Variants in FAM184A observed in about 807,000 individuals in gnomAD.
FAM184A encodes protein FAM184A.
Under a neutral mutation model 143.8 loss-of-function variants are expected in FAM184A, and 99 were observed. The observed-to-expected ratio is 0.69, with a 90% CI of 0.58 to 0.81. The LOEUF is 0.81. Ranked by LOEUF, FAM184A falls within the 40% of genes least tolerant of loss-of-function variation. The pLI is 0.00. For missense variants in FAM184A, 1,217 were observed against 1,310.5 expected (o/e 0.93, Z 1.10); for synonymous variants, 427 against 446.4 (o/e 0.96, Z 0.55).
intron 1 of FAM184A, among the ~76,000 whole-genome samples, chr6:119,112,471 C>T (rs1343909254): frequency 6.6e-6 from 1 of 152,138 alleles, no homozygotes; most frequent in Non-Finnish European, 1.5e-5. Context: ...GACTTCCATC[C>T]GGGTTAGGTT....
chr6:118,997,412 G>A (rs1784605143), intron 9 of FAM184A, among the ~76,000 whole-genome samples: 1 of 151,866 alleles, frequency 6.6e-6, no homozygotes, highest in Non-Finnish European at 1.5e-5. Context: ...AATAGCAGCC[G>A]GGCGCAGTGG....
chr6:119,112,661 C>T (rs1211761926), intron 1 of FAM184A, among the ~76,000 whole-genome samples: 1 of 152,154 alleles, frequency 6.6e-6, no homozygotes, highest in Non-Finnish European at 1.5e-5. Context: ...TGAAGAGTGG[C>T]CACAGGACAG....
At chr6:119,148,581 A>G (rs959380038) in intron 1 of FAM184A, among the ~76,000 whole-genome samples, 1 of 152,082 alleles carries the variant, frequency 6.6e-6, no homozygotes, top group Non-Finnish European at 1.5e-5. Context: ...CTTCCCCAGC[A>G]CACTATTGCT....
Position 118,980,201 on chromosome 6 carries a change from T to C in FAM184A, c.2238A>G (p.Ser746=), listed in dbSNP as rs1462717826. 1 of 1,614,198 alleles carries C rather than the reference T, an allele frequency of 6.2e-7. No homozygotes were observed. Among genetic ancestry groups the C allele is most frequent in the Admixed American group, 1.7e-5 (1 of 60,028 alleles). ...ATGCAAGGACATGTGCTTCTTTTAA[T>C]GATTTGTGTCTTTGCTGATGTTGCT... ...LEEQHQQRHK[S]LKEAHVLAFQ... Residue 746 remains serine (S), a synonymous_variant, in exon 10 of 18, where the codon TCA becomes TCG. Coordinates refer to ENST00000338891, the MANE Select transcript of FAM184A (RefSeq NM_024581.6).
intron 1 of FAM184A, among the ~76,000 whole-genome samples, chr6:119,116,997 C>T (rs1789078299): frequency 6.6e-6 from 1 of 152,156 alleles, no homozygotes; most frequent in African/African-American, 2.4e-5. Context: ...GGAAAGCCTC[C>T]CAGACAGGAT....
At chr6:118,975,833 T>C in intron 12 of FAM184A, 84 bp downstream of exon 12, 2 of 1,311,190 alleles carry the variant, frequency 1.5e-6, no homozygotes, top group Non-Finnish European at 1.1e-6. Context: ...AAATAAGTTA[T>C]TACAAAATAA....
chr6:118,970,172 T>C (rs1783653575), intron 14 of FAM184A, among the ~76,000 whole-genome samples: 1 of 149,262 alleles, frequency 6.7e-6, no homozygotes, highest in African/African-American at 2.5e-5. Context: ...CTCGGCTAAT[T>C]TTTGTATTTT....
chr6:119,144,980 T>C (rs1190954225), intron 1 of FAM184A, among the ~76,000 whole-genome samples: 2 of 152,218 alleles, frequency 1.3e-5, no homozygotes, highest in Non-Finnish European at 2.9e-5. Flanking sequence ...TCGCGTTATG[T>C]GATAAATGTA....
intron 1 of FAM184A, among the ~76,000 whole-genome samples, chr6:119,087,689 G>A (rs913465426): frequency 6.6e-6 from 1 of 152,236 alleles, no homozygotes; most frequent in African/African-American, 2.4e-5. Flanking sequence ...AAAACAGTAT[G>A]CTGGTTCCTC....
At chr6:119,066,611 A>G (rs1463536837) in intron 1 of FAM184A, among the ~76,000 whole-genome samples, 1 of 152,202 alleles carries the variant, frequency 6.6e-6, no homozygotes, top group African/African-American at 2.4e-5. Context: ...CTCAGGATTG[A>G]AGGTTAAAGA....
chr6:119,033,089 A>G (rs1393727117), intron 1 of FAM184A, among the ~76,000 whole-genome samples: 1 of 152,188 alleles, frequency 6.6e-6, no homozygotes, highest in Non-Finnish European at 1.5e-5. Flanking sequence ...ATTTATTAAA[A>G]AAATTATTAA....
intron 1 of FAM184A, among the ~76,000 whole-genome samples, chr6:119,146,034 G>A (rs572228644): frequency 4.6e-5 from 7 of 152,268 alleles, no homozygotes; most frequent in South Asian, 2.1e-4. Flanking sequence ...TACCACTAGC[G>A]GCATAGGAGA....
At position 119,002,880 on chromosome 6, in the gene FAM184A, T is replaced by C. The variant is rs1283726339; in HGVS notation, c.2088+19A>G. 1 of 1,595,532 alleles carries C rather than the reference T, an allele frequency of 6.3e-7. No individual in the cohort carries two copies. Among genetic ancestry groups the C allele is most frequent in the Non-Finnish European group, 8.5e-7 (1 of 1,172,924 alleles). ...TGTCAAGGGAGATGAAACTTCATCA[T>C]GTACACATTATTAATTACCTGGTTT... On this transcript the variant is annotated intron_variant, in intron 9 of 17. Transcript: ENST00000338891.
intron 9 of FAM184A, among the ~76,000 whole-genome samples, chr6:118,984,173 A>ATT: frequency 7.1e-6 from 1 of 141,248 alleles, no homozygotes; most frequent in African/African-American, 2.7e-5. Context: ...ATATATATAT[A>ATT]TATATTTATA....
chr6:119,068,055 T>C (rs1582580503), intron 1 of FAM184A, among the ~76,000 whole-genome samples: 1 of 149,710 alleles, frequency 6.7e-6, no homozygotes, highest in Admixed American at 6.6e-5. Flanking sequence ...GGGTTTTTTT[T>C]TTTTTTTTTT....
At chr6:119,147,324 T>A (rs1772478777) in intron 1 of FAM184A, among the ~76,000 whole-genome samples, 1 of 142,326 alleles carries the variant, frequency 7.0e-6, no homozygotes, top group Admixed American at 7.1e-5. Flanking sequence ...ACCGCTGGGC[T>A]TCCAACTGGT....
At chr6:119,126,400 G>T (rs1258842340) in intron 1 of FAM184A, among the ~76,000 whole-genome samples, 1 of 152,244 alleles carries the variant, frequency 6.6e-6, no homozygotes. Context: ...CCCCTTTGCA[G>T]CAGGTGGGAA....
chr6:118,968,258 T>C (rs1783560261), intron 14 of FAM184A, among the ~76,000 whole-genome samples: 1 of 151,990 alleles, frequency 6.6e-6, no homozygotes, highest in South Asian at 2.1e-4. Context: ...TGATAGCTGA[T>C]GAGCTTAAAA....
chr6:119,121,900 C>T (rs1789224211), intron 1 of FAM184A, among the ~76,000 whole-genome samples: 2 of 152,126 alleles, frequency 1.3e-5, no homozygotes, highest in African/African-American at 4.8e-5. Flanking sequence ...TATGTAGACT[C>T]TTGGTAACTT....
Sources: allele counts gnomAD v4.1 joint callset (sites outside exome capture counted in the v4.1 genomes callset), GRCh38; gene constraint gnomAD v4.1.1; transcripts MANE v1.5; gene names NCBI Gene and HGNC (gene_info 2026-07-23, HGNC 2026-07-21).